C6orf163: variants seen among roughly 807,000 people sequenced by gnomAD.
C6orf163 encodes the protein uncharacterized protein C6orf163.
C6orf163 carries 22 observed loss-of-function variants against 28.4 expected under a neutral mutation model. The ratio of observed to expected loss-of-function variants is 0.78; its 90% CI spans 0.55 to 1.11. The LOEUF (loss-of-function observed/expected upper bound fraction) is 1.11, where lower values mean the gene tolerates loss of function less well. Ranked by LOEUF, C6orf163 falls within the 50% of genes least tolerant of loss-of-function variation. The pLI, the probability that C6orf163 is intolerant of heterozygous loss-of-function variation, is 0.00. For missense variants in C6orf163, 342 were observed against 389.1 expected (o/e 0.88, Z 1.02); for synonymous variants, 110 against 123.6 (o/e 0.89, Z 0.73).
At chr6:87,349,724 A>G (rs1473352514) in intron 2 of C6orf163, among the ~76,000 whole-genome samples, 1 of 152,220 alleles carries the variant, frequency 6.6e-6, no homozygotes, top group African/African-American at 2.4e-5. Flanking sequence ...AACATACATA[A>G]TGCTCCAGTT....
intron 4 of C6orf163, among the ~76,000 whole-genome samples, chr6:87,358,774 T>C (rs116808321): frequency 7.9e-4 from 121 of 152,258 alleles, no homozygotes; most frequent in African/African-American, 2.8e-3. Flanking sequence ...ACTCCCTGCA[T>C]CTGGGTGTCC....
intron 4 of C6orf163, among the ~76,000 whole-genome samples, chr6:87,364,564 A>AT (rs1303716426): frequency 6.6e-6 from 1 of 152,106 alleles, no homozygotes; most frequent in Non-Finnish European, 1.5e-5. Context: ...GAGTATAAGG[A>AT]TTTTTCATCT....
In C6orf163 at chr6:87,365,120, A is replaced by G. The variant is rs1582113331; in HGVS notation, c.714A>G (p.Glu238=). ...RQEEVQEVLQ[E]AEKTHQATLG... is the part of the protein sequence containing the mutation. ...AAGAGGTACAGGAAGTGCTTCAAGA[A>G]GCAGAGAAAACACATCAGGCCACTC... Residue 238 remains glutamate (E), a synonymous_variant, in exon 5 of 5, where the codon GAA becomes GAG. Coordinates refer to ENST00000388923, the MANE Select transcript of C6orf163 (RefSeq NM_001010868.3). The G allele has an allele frequency of 6.4e-7, 1 of 1,552,066 alleles. No individual in the cohort carries two copies. Among genetic ancestry groups the G allele is most frequent in the Non-Finnish European group, 8.7e-7 (1 of 1,147,068 alleles).
Position 87,356,499 on chromosome 6 carries a change from A to T in C6orf163, c.550A>T (p.Lys184Ter). 1 of 1,551,410 alleles carries T rather than the reference A, an allele frequency of 6.4e-7. No homozygotes were observed. Among genetic ancestry groups the T allele is most frequent in the Non-Finnish European group, 8.7e-7 (1 of 1,146,820 alleles). ...CGCCCAGGAAGCAATCCAGGCCCAG[A>T]AAAGGTATTCCAGAGAACTCATTTA... is the stretch of plus-strand genomic sequence containing the variant. ...HIAQEAIQAQ[K>*]SKAVEEIVNT... The change falls in exon 4 of 5, where the codon AAA becomes TAA. Residue 184 changes from lysine to a stop codon, truncating the protein, a stop_gained. Transcript: ENST00000388923. LOFTEE classifies it low-confidence loss of function (END_TRUNC).
At chr6:87,352,348 C>T (rs918852759) in intron 3 of C6orf163, among the ~76,000 whole-genome samples, 1 of 152,194 alleles carries the variant, frequency 6.6e-6, no homozygotes, top group Admixed American at 6.5e-5. Flanking sequence ...GACCTACAGA[C>T]TCCATCAGCA....
chr6:87,360,710 C>A (rs1400259463), intron 4 of C6orf163, among the ~76,000 whole-genome samples: 3 of 152,110 alleles, frequency 2.0e-5, no homozygotes, highest in African/African-American at 7.2e-5. Flanking sequence ...CTCATTAATT[C>A]TTTTAAGCTT....
chr6:87,350,277 G>A (rs1189226793), intron 2 of C6orf163, 117 bp from the exon 3 acceptor site: 2 of 674,310 alleles, frequency 3.0e-6, no homozygotes, highest in African/African-American at 3.7e-5. Flanking sequence ...GGGACTCCAT[G>A]GTTGTTGCTA....
intron 3 of C6orf163, 109 bp from the exon 4 acceptor site, chr6:87,356,192 A>G (rs1012377812): frequency 3.4e-6 from 3 of 878,132 alleles, no homozygotes; most frequent in African/African-American, 1.7e-5. Flanking sequence ...CAGTGTTAAC[A>G]GGTACACTTG....
intron 4 of C6orf163, among the ~76,000 whole-genome samples, chr6:87,362,933 G>A (rs975721467): frequency 6.6e-6 from 1 of 152,304 alleles, no homozygotes; most frequent in Non-Finnish European, 1.5e-5. Context: ...CACTGGAAAT[G>A]TATCACAGTG....
chr6:87,359,640 G>A (rs140337118), intron 4 of C6orf163, among the ~76,000 whole-genome samples: 14 of 152,290 alleles, frequency 9.2e-5, no homozygotes, highest in African/African-American at 3.4e-4. Flanking sequence ...TGGACTTTCC[G>A]TAGTTTATTT....
intron 4 of C6orf163, chr6:87,358,174 C>T (rs1376063408): frequency 6.6e-6 from 1 of 152,088 alleles, no homozygotes; most frequent in African/African-American, 2.4e-5. Flanking sequence ...TTACTATAAA[C>T]TTTCATCAAG....
chr6:87,361,597 T>G (rs1399180014), intron 4 of C6orf163, among the ~76,000 whole-genome samples: 1 of 152,174 alleles, frequency 6.6e-6, no homozygotes, highest in Non-Finnish European at 1.5e-5. Context: ...TGGTCCCTGG[T>G]CATCACCCTG....
intron 3 of C6orf163, among the ~76,000 whole-genome samples, chr6:87,355,887 A>G (rs190863102): frequency 6.6e-6 from 1 of 152,206 alleles, no homozygotes; most frequent in East Asian, 1.9e-4. Context: ...GTTCCCTCCT[A>G]CCCAGGAGAC....
intron 4 of C6orf163, chr6:87,356,778 C>A (rs1035691776): frequency 8.9e-6 from 3 of 336,004 alleles, no homozygotes; most frequent in Non-Finnish European, 1.6e-5. Flanking sequence ...CTTCCTCAAT[C>A]ATATCTTCTT....
chr6:87,356,976 T>G (rs1777512500), intron 4 of C6orf163: 1 of 154,500 alleles, frequency 6.5e-6, no homozygotes, highest in African/African-American at 2.4e-5. Flanking sequence ...GTCTTTTTCT[T>G]ATTATGCAAG....
At chr6:87,345,652 T>C (rs1007090064) in intron 1 of C6orf163, among the ~76,000 whole-genome samples, 3 of 152,112 alleles carry the variant, frequency 2.0e-5, no homozygotes, top group African/African-American at 7.2e-5. Context: ...ATGGGCACAG[T>C]GGCTCACACC....
intron 4 of C6orf163, among the ~76,000 whole-genome samples, chr6:87,364,326 A>G (rs1777617255): frequency 6.6e-6 from 1 of 152,084 alleles, no homozygotes; most frequent in Non-Finnish European, 1.5e-5. Flanking sequence ...GAAATATTTC[A>G]TTGTTTGGGA....
chr6:87,358,925 A>G (rs1303001754), intron 4 of C6orf163, among the ~76,000 whole-genome samples: 1 of 152,190 alleles, frequency 6.6e-6, no homozygotes, highest in East Asian at 1.9e-4. Context: ...GGCCTTTATG[A>G]TGCCAAAGCT....
rs113391754 is a variant in C6orf163, at chr6:87,359,451, C to T, written c.554+2948C>T. On this transcript the variant is annotated intron_variant, in intron 4 of 4. Transcript: ENST00000388923. ...GTAACTTCTGAAATGCCTGCAGTCT[C>T]CTGCCAGACCAGAGAGCCAGGGGTT... Among the ~76,000 whole-genome samples the T allele has an allele frequency of 2.4e-3, 367 of 152,312 alleles. 1 individual carries two copies. Among genetic ancestry groups the T allele is most frequent in the Non-Finnish European group, 3.7e-3 (252 of 68,024 alleles).
Sources: allele counts gnomAD v4.1 joint callset (sites outside exome capture counted in the v4.1 genomes callset), GRCh38; gene constraint gnomAD v4.1.1; transcripts MANE v1.5; gene names NCBI Gene and HGNC (gene_info 2026-07-23, HGNC 2026-07-21).